BICC1: variants seen among roughly 807,000 people sequenced by gnomAD.
BICC1 encodes protein bicaudal C homolog 1.
A neutral mutation model predicts 111.0 loss-of-function variants in BICC1; 43 were observed. The observed-to-expected ratio is 0.39, with a 90% confidence interval of 0.30 to 0.50. BICC1 has a LOEUF of 0.50. Ranked by LOEUF, BICC1 falls within the 20% of genes least tolerant of loss-of-function variation. BICC1 has a pLI of 0.88. For missense variants in BICC1, 1,091 were observed against 1,203.2 expected (o/e 0.91, Z 1.38); for synonymous variants, 467 against 434.4 (o/e 1.07, Z -0.93).
intron 1 of BICC1, among the ~76,000 whole-genome samples, chr10:58,587,613 T>C (rs1343357286): frequency 6.6e-6 from 1 of 152,230 alleles, no homozygotes; most frequent in Non-Finnish European, 1.5e-5. Context: ...GAAGGTAATA[T>C]TCCTTACTGG....
At chr10:58,682,823 C>T (rs1312452815) in intron 2 of BICC1, among the ~76,000 whole-genome samples, 2 of 152,152 alleles carry the variant, frequency 1.3e-5, no homozygotes, top group Admixed American at 1.3e-4. Context: ...TTCTCCCATT[C>T]TGTAGGTTGC....
At chr10:58,790,427 G>A (rs551796481) in intron 8 of BICC1, among the ~76,000 whole-genome samples, 2 of 152,040 alleles carry the variant, frequency 1.3e-5, no homozygotes, top group African/African-American at 4.8e-5. Flanking sequence ...TCACAAATTC[G>A]AGCGTCACTT....
chr10:58,595,407 T>C (rs1844779589), intron 1 of BICC1, among the ~76,000 whole-genome samples: 1 of 152,152 alleles, frequency 6.6e-6, no homozygotes, highest in African/African-American at 2.4e-5. Context: ...ATCAACAGAA[T>C]ATACATTCTT....
chr10:58,673,427 C>G (rs1429113119), intron 2 of BICC1, among the ~76,000 whole-genome samples: 1 of 152,144 alleles, frequency 6.6e-6, no homozygotes, highest in Non-Finnish European at 1.5e-5. Flanking sequence ...ACTCAGTTTT[C>G]TAGCAGCCTT....
intron 1 of BICC1, among the ~76,000 whole-genome samples, chr10:58,542,874 G>A (rs1843032498): frequency 1.3e-5 from 2 of 151,558 alleles, no homozygotes; most frequent in Non-Finnish European, 2.9e-5. Context: ...AAAAAAACAA[G>A]TGTTGGTTAG....
chr10:58,782,301 T>G (rs1355993063), intron 3 of BICC1, among the ~76,000 whole-genome samples: 1 of 152,218 alleles, frequency 6.6e-6, no homozygotes, highest in Non-Finnish European at 1.5e-5. Context: ...ATTTGTAGAT[T>G]ATCATACCAC....
intron 1 of BICC1, among the ~76,000 whole-genome samples, chr10:58,584,131 T>C (rs1015457882): frequency 6.6e-6 from 1 of 152,080 alleles, no homozygotes; most frequent in Non-Finnish European, 1.5e-5. Flanking sequence ...ACCTGCGCTA[T>C]GTTGACATTC....
At chr10:58,717,504 T>C (rs746140294) in intron 3 of BICC1, among the ~76,000 whole-genome samples, 12 of 152,158 alleles carry the variant, frequency 7.9e-5, no homozygotes, top group Non-Finnish European at 1.6e-4. Flanking sequence ...AATAACAAAG[T>C]ATGACAAGTT....
chr10:58,717,849 G>A (rs538910068), intron 3 of BICC1, among the ~76,000 whole-genome samples: 2 of 152,028 alleles, frequency 1.3e-5, no homozygotes, highest in South Asian at 4.1e-4. Context: ...ACTAGGCAGG[G>A]GCTGGATTCT....
intron 3 of BICC1, among the ~76,000 whole-genome samples, chr10:58,736,740 G>A (rs1309380875): frequency 6.6e-6 from 1 of 152,130 alleles, no homozygotes; most frequent in Non-Finnish European, 1.5e-5. Context: ...TAAAGTCATT[G>A]TATGTTATCA....
intron 3 of BICC1, among the ~76,000 whole-genome samples, chr10:58,732,371 G>GTA (rs1413299454): frequency 0.016 from 183 of 11,796 alleles, 21 homozygotes; most frequent in African/African-American, 0.037. Flanking sequence ...GTGTGTGTGT[G>GTA]TGTGTATGTA....
At chr10:58,682,174 A>G (rs1281095745) in intron 2 of BICC1, among the ~76,000 whole-genome samples, 1 of 151,950 alleles carries the variant, frequency 6.6e-6, no homozygotes, top group Non-Finnish European at 1.5e-5. Context: ...AGCTTCATCC[A>G]TGTCCCTACA....
At chr10:58,559,177 A>G (rs921295012) in intron 1 of BICC1, among the ~76,000 whole-genome samples, 7 of 152,122 alleles carry the variant, frequency 4.6e-5, no homozygotes, top group African/African-American at 7.2e-5. Context: ...TAGGAGATTT[A>G]TAATGACTTA....
rs76453212 is a variant in BICC1 at position 58,533,909 on chromosome 10, G to A, written c.190+20576G>A. The stretch of plus-strand genomic sequence containing the variant: ...TACAGAACACAATTAAATGATAATA[G>A]TAAGTTCTTACCTATCAGTAATTAC... On this transcript the variant is annotated intron_variant, in intron 1 of 20. Transcript: ENST00000373886. Among the ~76,000 whole-genome samples the A allele has an allele frequency of 5.4e-3, 822 of 151,916 alleles. 4 individuals are homozygous for A. Among genetic ancestry groups the A allele is most frequent in the African/African-American group, 0.019 (781 of 41,498 alleles).
At chr10:58,542,748 A>C (rs1026938899) in intron 1 of BICC1, among the ~76,000 whole-genome samples, 2 of 152,168 alleles carry the variant, frequency 1.3e-5, no homozygotes, top group African/African-American at 2.4e-5. Flanking sequence ...ATGAAAATAT[A>C]AACATCGGCA....
At position 58,789,671 on chromosome 10, in the gene BICC1, T is replaced by C. The variant is rs1329694609; in HGVS notation, c.796-11T>C. The C allele has an allele frequency of 6.2e-7, 1 of 1,613,672 alleles. No individual in the cohort carries two copies. Among genetic ancestry groups the C allele is most frequent in the African/African-American group, 1.3e-5 (1 of 75,024 alleles). ...GTATAGGATTATTTCTTTCCCACCCTTTTCTCTTAGGAAGGAACTGCCATG... is the reference window on the plus strand; with the variant it reads ...GTATAGGATTATTTCTTTCCCACCCCTTTCTCTTAGGAAGGAACTGCCATG... On this transcript the variant is annotated splice_polypyrimidine_tract_variant and intron_variant, in intron 7 of 20. Transcript: ENST00000373886.
intron 1 of BICC1, among the ~76,000 whole-genome samples, chr10:58,533,972 C>G (rs1842755454): frequency 2.6e-5 from 4 of 151,714 alleles, no homozygotes; most frequent in Admixed American, 2.6e-4. Context: ...AGTCAAAAGA[C>G]ATACAGTGGC....
intron 5 of BICC1, among the ~76,000 whole-genome samples, chr10:58,787,557 G>A (rs1340566100): frequency 2.0e-5 from 3 of 152,104 alleles, no homozygotes; most frequent in Non-Finnish European, 4.4e-5. Flanking sequence ...CTTCTGTTTG[G>A]CAGCAAATGG....
At chr10:58,737,224 A>G (rs1325040464) in intron 3 of BICC1, among the ~76,000 whole-genome samples, 2 of 152,048 alleles carry the variant, frequency 1.3e-5, no homozygotes, top group African/African-American at 4.8e-5. Flanking sequence ...CATTAGGTAT[A>G]TCTCCCAATG....
Sources: allele counts gnomAD v4.1 joint callset (sites outside exome capture counted in the v4.1 genomes callset), GRCh38; gene constraint gnomAD v4.1.1; transcripts MANE v1.5; gene names NCBI Gene and HGNC (gene_info 2026-07-23, HGNC 2026-07-21).